Variants in CTNNA3 observed in about 807,000 individuals in gnomAD.
CTNNA3 encodes the protein catenin alpha-3.
A neutral mutation model predicts 95.7 loss-of-function variants in CTNNA3; 76 were observed. The observed-to-expected ratio is 0.79, with a 90% confidence interval of 0.66 to 0.96. CTNNA3 has a LOEUF of 0.96. Among genes scored for constraint, CTNNA3 ranks in the 40% least tolerant of loss-of-function variants. The pLI, the probability that CTNNA3 is intolerant of heterozygous loss-of-function variation, is 0.00. For missense variants in CTNNA3, 1,191 were observed against 1,089.8 expected, an observed-to-expected ratio of 1.09 and a Z score of -1.31; for synonymous variants, 431 against 374.4, an observed-to-expected ratio of 1.15 and a Z score of -1.74.
chr10:66,800,409 T>C (rs1186187237), intron 7 of CTNNA3, among the ~76,000 whole-genome samples: 1 of 151,140 alleles, frequency 6.6e-6, no homozygotes, highest in African/African-American at 2.4e-5. Context: ...GAATTATAGG[T>C]TTTATAAAAT....
intron 7 of CTNNA3, among the ~76,000 whole-genome samples, chr10:67,072,966 T>C (rs1253506676): frequency 6.6e-6 from 1 of 152,078 alleles, no homozygotes; most frequent in African/African-American, 2.4e-5. Flanking sequence ...CCCTCAAGTC[T>C]CCAGTTTGTC....
chr10:66,580,211 T>C (rs1843139101), intron 10 of CTNNA3, among the ~76,000 whole-genome samples: 1 of 151,750 alleles, frequency 6.6e-6, no homozygotes, highest in African/African-American at 2.4e-5. Flanking sequence ...CATTCTTCTT[T>C]GATTTCTTTG....
chr10:66,443,965 A>G (rs912271816), intron 11 of CTNNA3, among the ~76,000 whole-genome samples: 61 of 152,304 alleles, frequency 4.0e-4, no homozygotes, highest in African/African-American at 1.4e-3. Flanking sequence ...TAACCAATGC[A>G]GAGAAGTCCT....
chr10:65,953,590 G>C (rs2077665755), intron 17 of CTNNA3, among the ~76,000 whole-genome samples: 1 of 150,714 alleles, frequency 6.6e-6, no homozygotes, highest in Non-Finnish European at 1.5e-5. Flanking sequence ...CTGTGTCCAA[G>C]TATTCTCATT....
chr10:66,513,437 C>A (rs1840730958), intron 11 of CTNNA3, among the ~76,000 whole-genome samples: 2 of 152,168 alleles, frequency 1.3e-5, no homozygotes, highest in South Asian at 4.1e-4. Flanking sequence ...TGTGATGTGA[C>A]TTTACTGGAG....
chr10:66,303,071 C>T (rs2132233637), intron 12 of CTNNA3, among the ~76,000 whole-genome samples: 1 of 152,228 alleles, frequency 6.6e-6, no homozygotes, highest in Non-Finnish European at 1.5e-5. Flanking sequence ...TGACATAGCA[C>T]ATTCACAAAA....
chr10:67,605,497 A>C (rs746237770), intron 3 of CTNNA3, among the ~76,000 whole-genome samples: 1 of 152,172 alleles, frequency 6.6e-6, no homozygotes, highest in East Asian at 1.9e-4. Context: ...ATTTTTACTA[A>C]AGGAGTAGAT....
intron 17 of CTNNA3, among the ~76,000 whole-genome samples, chr10:65,944,448 A>G (rs1448619487): frequency 6.6e-6 from 1 of 152,370 alleles, no homozygotes. Flanking sequence ...AATTAGTGAG[A>G]CAACACTGAA....
At position 65,914,782 on chromosome 10, in the gene CTNNA3, C is replaced by T. The variant is rs1052096727; in HGVS notation, c.*5548G>A. 2 of 152,128 alleles carry T rather than the reference C, an allele frequency of 1.3e-5. No homozygotes were observed. Among genetic ancestry groups the T allele is most frequent in the African/African-American group, 4.8e-5 (2 of 41,430 alleles). 9.4% of individuals were successfully genotyped at this position (152,128 alleles called of 1,614,324 possible). A position where few individuals can be genotyped will look rare whatever the true frequency, so the allele number is the denominator to read the frequency against. ...AAAGTAATTTGGCAAAGGTTGTCCT[C>T]TTATTTCAGATCACGTAAATAACTT... is the stretch of plus-strand genomic sequence containing the variant. On this transcript the variant is annotated 3_prime_UTR_variant, in exon 18 of 18. Transcript: ENST00000433211.
chr10:66,629,031 A>G (rs754569972), intron 9 of CTNNA3, among the ~76,000 whole-genome samples: 1 of 152,136 alleles, frequency 6.6e-6, no homozygotes, highest in African/African-American at 2.4e-5. Context: ...CTTCAATGAG[A>G]CTTAGAAAAA....
intron 7 of CTNNA3, among the ~76,000 whole-genome samples, chr10:66,787,401 G>T (rs1026980212): frequency 1.3e-5 from 2 of 151,886 alleles, no homozygotes; most frequent in Non-Finnish European, 2.9e-5. Flanking sequence ...GGTCTGTCTG[G>T]GTAGCACAAC....
rs562196149 is a variant in CTNNA3 at position 66,654,816 on chromosome 10, C to A, written c.1282-33032G>T. Among the ~76,000 whole-genome samples the A allele has an allele frequency of 7.0e-4, 106 of 152,146 alleles. 3 individuals carry two copies. In the South Asian group the frequency reaches 0.021, roughly 31 times the overall value. On this transcript the variant is annotated intron_variant, in intron 9 of 17. Transcript: ENST00000433211. ...CCTGTCATTTGAGATGACATGGATC[C>A]ACCTGAGGGACATTAGTAAGTGAAA...
chr10:66,766,549 G>T (rs1839866444), intron 8 of CTNNA3, 133 bp from the exon 9 acceptor site: 2 of 716,578 alleles, frequency 2.8e-6, no homozygotes, highest in African/African-American at 1.8e-5. Context: ...AATACTTAAA[G>T]ATATACAAGA....
intron 14 of CTNNA3, among the ~76,000 whole-genome samples, chr10:66,080,836 A>G (rs544605869): frequency 6.6e-6 from 1 of 152,254 alleles, no homozygotes; most frequent in East Asian, 1.9e-4. Context: ...TACTTACTGA[A>G]TAGGCTTCTA....
chr10:66,629,449 G>A (rs1845056666), intron 9 of CTNNA3, among the ~76,000 whole-genome samples: 1 of 152,160 alleles, frequency 6.6e-6, no homozygotes, highest in Middle Eastern at 3.4e-3. Context: ...GGCAGAAACT[G>A]CAATTACTTT....
chr10:65,978,224 C>T (rs1235058424), intron 16 of CTNNA3, among the ~76,000 whole-genome samples: 1 of 152,074 alleles, frequency 6.6e-6, no homozygotes. Context: ...TTTTCAACTC[C>T]TCCAGTCCGC....
chr10:66,356,756 C>T (rs2092614116), intron 12 of CTNNA3, among the ~76,000 whole-genome samples: 1 of 151,826 alleles, frequency 6.6e-6, no homozygotes, highest in Admixed American at 6.6e-5. Flanking sequence ...TTTGTTGATA[C>T]CTTTTATCAA....
At chr10:67,563,477 A>T (rs893218708) in intron 3 of CTNNA3, among the ~76,000 whole-genome samples, 1 of 152,318 alleles carries the variant, frequency 6.6e-6, no homozygotes, top group Non-Finnish European at 1.5e-5. Context: ...CTTACACCTT[A>T]TACAAAAATT....
At chr10:66,635,503 T>C (rs1845303133) in intron 9 of CTNNA3, among the ~76,000 whole-genome samples, 2 of 152,122 alleles carry the variant, frequency 1.3e-5, no homozygotes, top group African/African-American at 4.8e-5. Flanking sequence ...AGAGAAGGGA[T>C]TTTCTTAAAG....
Sources: gnomAD v4.1 joint callset for allele counts (sites outside exome capture counted in the v4.1 genomes callset) on GRCh38, gnomAD v4.1.1 for gene constraint, MANE v1.5 for transcripts, NCBI Gene and HGNC (gene_info 2026-07-23, HGNC 2026-07-21) for gene names.